Variants in MYH14 observed in about 807,000 individuals in gnomAD.
The protein encoded by MYH14 is myosin heavy chain 14, also known as myosin-14.
Under a neutral mutation model 255.5 loss-of-function variants are expected in MYH14, and 123 were observed. The observed-to-expected ratio is 0.48, with a 90% confidence interval of 0.42 to 0.56. The LOEUF (loss-of-function observed/expected upper bound fraction) is 0.56. Ranked by LOEUF, MYH14 falls within the 20% of genes least tolerant of loss-of-function variation. MYH14 has a pLI of 0.00. For synonymous variants in MYH14, 1,095 were observed against 1,161.2 expected (o/e 0.94, Z 1.16); for missense variants, 2,423 against 2,802.3 (o/e 0.86, Z 3.06).
intron 11 of MYH14, among the ~76,000 whole-genome samples, chr19:50,245,922 CTG>C (rs1237314917): frequency 6.6e-6 from 1 of 151,166 alleles, no homozygotes; most frequent in East Asian, 2.0e-4. Flanking sequence ...AGAAACTCTA[CTG>C]GGATCCCTTC....
chr19:50,295,209 C>A (rs1051286103), intron 39 of MYH14, among the ~76,000 whole-genome samples: 1 of 151,894 alleles, frequency 6.6e-6, no homozygotes, highest in Non-Finnish European at 1.5e-5. Context: ...CCTGTAGTCC[C>A]AGCTACTCGG....
At chr19:50,275,884 T>C (rs1387014562) in intron 27 of MYH14, 107 bp from the exon 28 acceptor site, 2 of 826,592 alleles carry the variant, frequency 2.4e-6, no homozygotes, top group African/African-American at 3.4e-5. Context: ...GATTCTAACC[T>C]GGGACTGGCC....
intron 42 of MYH14, 87 bp from the exon 43 acceptor site, chr19:50,309,553 C>T (rs2036776873): frequency 6.0e-6 from 5 of 831,348 alleles, no homozygotes; most frequent in Non-Finnish European, 9.8e-6. Context: ...CTCTCTCTCT[C>T]CCCCTCATCT....
At chr19:50,244,683 C>A (rs2034031384) in intron 11 of MYH14, among the ~76,000 whole-genome samples, 1 of 151,940 alleles carries the variant, frequency 6.6e-6, no homozygotes, top group African/African-American at 2.4e-5. Context: ...CGGAGTGTCA[C>A]CGTGTTAACC....
At chr19:50,260,604 T>A (rs1345423227) in intron 19 of MYH14, 42 bp from the exon 20 acceptor site, 1 of 1,470,148 alleles carries the variant, frequency 6.8e-7, no homozygotes, top group Admixed American at 1.7e-5. Flanking sequence ...GGTGAGCGTT[T>A]GCTGTAACTC....
intron 2 of MYH14, among the ~76,000 whole-genome samples, chr19:50,214,801 T>C (rs1266408329): frequency 4.6e-5 from 7 of 151,992 alleles, no homozygotes; most frequent in Admixed American, 1.3e-4. Flanking sequence ...GTCCAAAAAA[T>C]TCCGAGTTAG....
At chr19:50,212,380 A>G (rs1046605825) in intron 2 of MYH14, among the ~76,000 whole-genome samples, 1 of 152,212 alleles carries the variant, frequency 6.6e-6, no homozygotes, top group Non-Finnish European at 1.5e-5. Context: ...AAAAATAATA[A>G]TAAGAGGAGG....
chr19:50,301,688 G>A lies in MYH14; in HGVS notation c.5497G>A (p.Ala1833Thr), dbSNP rs1406432640. The A allele has an allele frequency of 6.2e-7, 1 of 1,613,792 alleles. No homozygotes were observed. The highest frequency in any genetic ancestry group is 1.7e-5 in the Admixed American group (1 of 60,012). Reference protein sequence around the residue: ...QVESLTTELSAERSFSAKAES... With the variant: ...QVESLTTELSTERSFSAKAES... ...AGAGTCACTGACCACAGAGCTGTCA[G>A]CTGAGCGCAGTTTCTCAGCCAAGGC... The change falls in exon 40 of 43, where the codon GCT becomes ACT. Residue 1833 changes from alanine (A) to threonine (T), a missense_variant. Physicochemically the swap from Ala to Thr is moderately conservative, Grantham distance 58. Around this residue, in one of 3 missense-constraint regions of MYH14, gnomAD observed 1,513 missense variants for 1,674.8 expected, o/e 0.90. Transcript: ENST00000642316.
At chr19:50,235,369 A>G (rs2033613019) in intron 10 of MYH14, among the ~76,000 whole-genome samples, 1 of 137,048 alleles carries the variant, frequency 7.3e-6, no homozygotes, top group Admixed American at 7.7e-5. Flanking sequence ...AAAAAAAAAA[A>G]AGTTCCTGGA....
chr19:50,242,544 A>G (rs2033931823), intron 10 of MYH14, among the ~76,000 whole-genome samples: 1 of 152,180 alleles, frequency 6.6e-6, no homozygotes. Context: ...CCCAAGATTC[A>G]GTTACCTCCC....
intron 24 of MYH14, among the ~76,000 whole-genome samples, chr19:50,270,289 T>C (rs916072298): frequency 4.0e-5 from 6 of 151,874 alleles, no homozygotes; most frequent in Admixed American, 6.6e-5. Flanking sequence ...GAGGCCGAGG[T>C]TGGTGGATCA....
At chr19:50,224,046 T>TCCCCCCCCCCCCCTGCCCCCCC in intron 5 of MYH14, 108 bp from the exon 6 acceptor site, 1 of 504,360 alleles carries the variant, frequency 2.0e-6, no homozygotes. Context: ...CAGTCCCCCT[T>TCCCCCCCCCCCCCTGCCCCCCC]CCCCCACCCC....
At chr19:50,205,830 C>T (rs1311080077) in intron 1 of MYH14, among the ~76,000 whole-genome samples, 1 of 151,870 alleles carries the variant, frequency 6.6e-6, no homozygotes, top group East Asian at 2.0e-4. Context: ...GCCTGAACTC[C>T]TGGGTCTGAG....
chr19:50,284,570 T>G (rs2035829685), intron 33 of MYH14, among the ~76,000 whole-genome samples: 1 of 151,758 alleles, frequency 6.6e-6, no homozygotes, highest in African/African-American at 2.4e-5. Flanking sequence ...TTTTTTATTT[T>G]TAGTAAAGAC....
At chr19:50,207,271 C>CAGAGAGAGAGAGAGGG (rs2031837329) in intron 1 of MYH14, among the ~76,000 whole-genome samples, 1 of 76,804 alleles carries the variant, frequency 1.3e-5, no homozygotes, top group Non-Finnish European at 2.5e-5. Context: ...GAGAGAGAGA[C>CAGAGAGAGAGAGAGGG]AGAGAGAGAG....
Position 50,268,275 on chromosome 19 carries a change from G to C in MYH14, c.2941G>C (p.Val981Leu). The C allele has an allele frequency of 6.3e-7, 1 of 1,582,944 alleles. No homozygotes were observed. The highest frequency in any genetic ancestry group is 8.6e-7 in the Non-Finnish European group (1 of 1,165,352). ...AGCCCGCAAGCAGGAGCTGGAGCTG[G>C]TGGTGTCAGAGCTGGAGGCTCGCGT... ...LAARKQELEL[V>L]VSELEARVGE... The change falls in exon 24 of 43, where the codon GTG (valine) becomes CTG (leucine). Residue 981 changes from valine to leucine, a missense_variant. By Grantham distance (32) the Val-to-Leu change is conservative (BLOSUM62 1). This residue lies in a region of MYH14 where 1,513 missense variants were observed against 1,674.8 expected (regional missense o/e 0.90). Coordinates refer to ENST00000642316, the MANE Select transcript of MYH14 (RefSeq NM_001145809.2).
Position 50,276,938 on chromosome 19 carries a change from G to A in MYH14, c.3825+37G>A, listed in dbSNP as rs780776201. On this transcript the variant is annotated intron_variant, in intron 29 of 42. Coordinates refer to ENST00000642316, the MANE Select transcript of MYH14 (RefSeq NM_001145809.2). The surrounding 1 kb of genome is among the most constrained non-coding windows in gnomAD (Gnocchi z 4.3). ...CAGGGGGACAGGGCAGGGGGGCCAC[G>A]GGGAGGGCAGGGCAGGACGCGGGGT... 1.0e-5 allele frequency: 15 copies of A among 1,493,496 alleles called. No individual in the cohort carries two copies. The highest frequency in any genetic ancestry group is 2.4e-5 in the East Asian group (1 of 41,904). The allele number at this position is 1,493,496 out of a possible 1,614,324, so 92.5% of individuals were successfully genotyped here.
chr19:50,304,584 C>G (rs1001670298), intron 40 of MYH14, among the ~76,000 whole-genome samples: 1 of 152,030 alleles, frequency 6.6e-6, no homozygotes, highest in Non-Finnish European at 1.5e-5. Context: ...AGCAAGACTC[C>G]GACTCCAAAA....
intron 1 of MYH14, among the ~76,000 whole-genome samples, chr19:50,207,581 C>G (rs973863886): frequency 1.3e-5 from 2 of 152,130 alleles, no homozygotes; most frequent in Non-Finnish European, 2.9e-5. Context: ...GGGGCGGAGT[C>G]TCGTACTTGA....
Sources: gnomAD v4.1 joint callset for allele counts (sites outside exome capture counted in the v4.1 genomes callset) on GRCh38, gnomAD v4.1.1 for gene constraint, gnomAD v4.1.1 regional missense constraint, Gnocchi (gnomAD v3.1) non-coding constraint, MANE v1.5 for transcripts, NCBI Gene and HGNC (gene_info 2026-07-23, HGNC 2026-07-21) for gene names.